Variants in GPC3 observed in about 807,000 individuals in gnomAD.
GPC3 encodes glypican-3.
GPC3 carries 3 observed loss-of-function variants against 34.4 expected under a neutral mutation model. The observed-to-expected ratio is 0.09, with a 90% CI of 0.04 to 0.23. The LOEUF is 0.23. Among genes scored for constraint, GPC3 ranks in the 10% least tolerant of loss-of-function variants. GPC3 has a pLI of 1.00. For missense variants in GPC3, 351 were observed against 445.6 expected (o/e 0.79, Z 1.91); for synonymous variants, 177 against 174.0 (o/e 1.02, Z -0.13).
chrX:133,761,202 A>G (rs765336867), intron 2 of GPC3, among the ~76,000 whole-genome samples: 1 of 112,269 alleles, frequency 8.9e-6, no homozygotes, highest in East Asian at 2.8e-4. Flanking sequence ...AATAGGTAAC[A>G]CATTTCAATG....
chrX:133,663,410 C>T (rs1389350705), intron 5 of GPC3, among the ~76,000 whole-genome samples: 1 of 111,587 alleles, frequency 9.0e-6, no homozygotes, highest in African/African-American at 3.2e-5. Flanking sequence ...CAGGTGTGAG[C>T]CACCGAGCCT....
At chrX:133,649,242 C>A (rs2070572878) in intron 6 of GPC3, among the ~76,000 whole-genome samples, 1 of 107,963 alleles carries the variant, frequency 9.3e-6, no homozygotes, top group South Asian at 4.1e-4. Flanking sequence ...TAAATAACTC[C>A]TAATAAATGA....
Position 133,985,429 on chromosome X carries a change from G to A in GPC3, c.21C>T (p.Thr7=), listed in dbSNP as rs192833218. 5.1e-6 allele frequency: 6 copies of A among 1,173,708 alleles called. No individual in the cohort carries two copies. The highest frequency in any genetic ancestry group is 2.5e-5 in the Admixed American group (1 of 40,079). The change falls in exon 1 of 8, where the codon ACC becomes ACT. Residue 7 remains threonine (T), a synonymous_variant. Transcript: ENST00000370818. ...GCAGCATCGCCACCACCAAGCACGC[G>A]GTGCGCACGGTCCCGGCCATCCTGC... MAGTVR[T]ACLVVAMLLS...
At chrX:133,744,032 A>C (rs1185687095) in intron 3 of GPC3, among the ~76,000 whole-genome samples, 1 of 112,317 alleles carries the variant, frequency 8.9e-6, no homozygotes, top group Admixed American at 9.4e-5. Context: ...TTAAAGACTT[A>C]AACGTAAAAC....
intron 2 of GPC3, among the ~76,000 whole-genome samples, chrX:133,815,424 C>A (rs1031547504): frequency 2.7e-5 from 3 of 110,075 alleles, no homozygotes; most frequent in Non-Finnish European, 5.7e-5. Flanking sequence ...TAAAGTCAAT[C>A]AGTAGAGCAC....
intron 2 of GPC3, among the ~76,000 whole-genome samples, chrX:133,794,741 T>C (rs2075569508): frequency 8.9e-6 from 1 of 112,010 alleles, no homozygotes; most frequent in Non-Finnish European, 1.9e-5. Context: ...TGGTAACAGG[T>C]TGGCTACTAA....
chrX:133,687,569 T>G (rs1211833849), intron 5 of GPC3, among the ~76,000 whole-genome samples: 1 of 106,647 alleles, frequency 9.4e-6, no homozygotes, highest in African/African-American at 3.4e-5. Flanking sequence ...TACGGGTACC[T>G]GCCACGACAC....
chrX:133,981,959 G>C (rs776868209), intron 1 of GPC3, among the ~76,000 whole-genome samples: 2 of 111,588 alleles, frequency 1.8e-5, no homozygotes, highest in South Asian at 7.6e-4. Flanking sequence ...ACACTACCAC[G>C]GTTTGTTTGA....
In GPC3 at chrX:133,773,128, G is replaced by A. The variant is rs757675807; in HGVS notation, c.338-18952C>T. 5.0e-4 allele frequency among the ~76,000 whole-genome samples: 55 copies of A among 110,888 alleles called. No individual in the cohort carries two copies. In the South Asian group the frequency reaches 0.021, roughly 42 times the overall value. ...GGCTGGAGTGCAATGGTGCAATCTC[G>A]GCTCACTGCAACCTCCACCTCCTGA... is the stretch of plus-strand genomic sequence containing the variant. On this transcript the variant is annotated intron_variant, in intron 2 of 7. Transcript: ENST00000370818.
intron 7 of GPC3, among the ~76,000 whole-genome samples, chrX:133,586,178 A>G (rs960653257): frequency 8.9e-6 from 1 of 111,829 alleles, no homozygotes; most frequent in Non-Finnish European, 1.9e-5. Context: ...ACCTTTGCTC[A>G]TTCTCATCTA....
At chrX:133,614,928 C>T (rs1229905807) in intron 6 of GPC3, among the ~76,000 whole-genome samples, 2 of 111,452 alleles carry the variant, frequency 1.8e-5, no homozygotes, top group Non-Finnish European at 3.8e-5. Context: ...CATCACATGC[C>T]AGCAAATTAG....
At chrX:133,658,805 T>G (rs776474046) in intron 6 of GPC3, among the ~76,000 whole-genome samples, 42 of 111,990 alleles carry the variant, frequency 3.8e-4, no homozygotes, top group Non-Finnish European at 6.2e-4. Context: ...GGAATTGTAA[T>G]AGCGACTTTT....
At chrX:133,637,042 G>A (rs1354076930) in intron 6 of GPC3, among the ~76,000 whole-genome samples, 3 of 111,850 alleles carry the variant, frequency 2.7e-5, no homozygotes, top group African/African-American at 9.8e-5. Context: ...CCAGTCCCAC[G>A]CAAACTTGGA....
chrX:133,576,420 A>C (rs1175136828), intron 7 of GPC3, among the ~76,000 whole-genome samples: 1 of 110,573 alleles, frequency 9.0e-6, no homozygotes, highest in Non-Finnish European at 1.9e-5. Context: ...TTGTATTTTT[A>C]GCAGAGACGG....
intron 5 of GPC3, among the ~76,000 whole-genome samples, chrX:133,677,159 T>G (rs950348012): frequency 5.4e-5 from 6 of 111,794 alleles, no homozygotes; most frequent in African/African-American, 1.6e-4. Context: ...TCTCCAACAT[T>G]AGAAATCGAG....
chrX:133,912,396 A>G (rs1184109423), intron 2 of GPC3, among the ~76,000 whole-genome samples: 3 of 112,313 alleles, frequency 2.7e-5, no homozygotes, highest in African/African-American at 9.7e-5. Flanking sequence ...TGTGAAAGCT[A>G]TCAGATTTAG....
intron 2 of GPC3, among the ~76,000 whole-genome samples, chrX:133,828,068 T>C (rs1453992404): frequency 9.0e-6 from 1 of 111,213 alleles, no homozygotes; most frequent in Non-Finnish European, 1.9e-5. Flanking sequence ...ACAGCAAGCA[T>C]TAAAAAATAA....
In GPC3 at chrX:133,809,542, T is replaced by C. The variant is rs560706931; in HGVS notation, c.338-55366A>G. 8.1e-4 allele frequency among the ~76,000 whole-genome samples: 90 copies of C among 111,477 alleles called. No homozygotes were observed. The Middle Eastern group carries it at 0.014, about 17-fold the overall frequency. On this transcript the variant is annotated intron_variant, in intron 2 of 7. Transcript: ENST00000370818. ...GATCCTTGTAATCCAATTTCCAGTCTCTGGTAAAACAACCACCAACAGTGT... is the reference window on the plus strand; with the variant it reads ...GATCCTTGTAATCCAATTTCCAGTCCCTGGTAAAACAACCACCAACAGTGT...
chrX:133,867,317 A>G (rs886458919), intron 2 of GPC3, among the ~76,000 whole-genome samples: 13 of 111,696 alleles, frequency 1.2e-4, no homozygotes, highest in African/African-American at 4.2e-4. Context: ...ACTGAACTAG[A>G]CATTGAATTA....
Sources: allele counts gnomAD v4.1 joint callset (sites outside exome capture counted in the v4.1 genomes callset), GRCh38; gene constraint gnomAD v4.1.1; transcripts MANE v1.5; gene names NCBI Gene and HGNC (gene_info 2026-07-23, HGNC 2026-07-21).